STARD10: variants seen among roughly 807,000 people sequenced by gnomAD.
STARD10 encodes StAR related lipid transfer domain containing 10, also known as START domain-containing protein 10.
Under a neutral mutation model 36.0 loss-of-function variants are expected in STARD10, and 24 were observed. The observed-to-expected ratio is 0.67, with a 90% CI of 0.48 to 0.94. The LOEUF is 0.94. STARD10 is among the 40% of genes least tolerant of loss of function. The probability of loss-of-function intolerance (pLI) is 0.00; values close to 1 mark genes in which losing one functional copy is unlikely to be tolerated. For missense variants in STARD10, 335 were observed against 396.6 expected (o/e 0.84, Z 1.32); for synonymous variants, 156 against 161.9 (o/e 0.96, Z 0.28).
chr11:72,759,051 T>C, intron 3 of STARD10, 183 bp downstream of exon 3: 1 of 647,674 alleles, frequency 1.5e-6, no homozygotes, highest in Non-Finnish European at 2.7e-6. Context: ...TATTTGTAAG[T>C]GTATGGGTGT....
intron 1 of STARD10, among the ~76,000 whole-genome samples, chr11:72,789,765 C>A (rs1444098828): frequency 1.3e-5 from 2 of 152,198 alleles, no homozygotes; most frequent in African/African-American, 4.8e-5. Flanking sequence ...AAACCCACAC[C>A]TGGAACAGGC....
rs1195668966 is a variant in STARD10 at position 72,793,054 on chromosome 11, C to G, written c.-293G>C. On this transcript the variant is annotated 5_prime_UTR_variant, in exon 1 of 7. Transcript: ENST00000334805. ...GGGACTCCCCTAGGTTCTCAGGGTA[C>G]AGTCAGTCAATCTAAGCCTGTATCC... 1.3e-5 allele frequency: 2 copies of G among 152,390 alleles called. No homozygotes were observed. Among genetic ancestry groups the G allele is most frequent in the Non-Finnish European group, 2.9e-5 (2 of 68,178 alleles). The allele number at this position is 152,390 out of a possible 1,614,324, so 9.4% of individuals were successfully genotyped here.
intron 4 of STARD10, among the ~76,000 whole-genome samples, 198 bp downstream of exon 4, chr11:72,758,332 G>A (rs1858672919): frequency 6.6e-6 from 1 of 152,196 alleles, no homozygotes; most frequent in Admixed American, 6.5e-5. Context: ...CACAGAGGTG[G>A]CCACACTGCC....
intron 2 of STARD10, among the ~76,000 whole-genome samples, chr11:72,778,806 G>A (rs550421572): frequency 9.2e-5 from 14 of 152,340 alleles, no homozygotes; most frequent in African/African-American, 3.4e-4. Flanking sequence ...GTATGACATA[G>A]GGATTACCAA....
At chr11:72,792,041 A>ATTTT (rs869068929) in intron 1 of STARD10, among the ~76,000 whole-genome samples, 3 of 38,770 alleles carry the variant, frequency 7.7e-5, no homozygotes, top group African/African-American at 4.1e-4. Flanking sequence ...CACCTGGCTA[A>ATTTT]TTTTTTTTTT....
intron 1 of STARD10, among the ~76,000 whole-genome samples, chr11:72,784,943 G>A (rs116210520): frequency 0.019 from 2,921 of 152,336 alleles, 103 homozygotes; most frequent in African/African-American, 0.067. Context: ...TGAGGTTGTG[G>A]GGGGCACGGG....
chr11:72,766,352 G>A (rs544703497), intron 2 of STARD10, among the ~76,000 whole-genome samples: 4 of 152,250 alleles, frequency 2.6e-5, no homozygotes, highest in South Asian at 2.1e-4. Flanking sequence ...CCTGAGCCCT[G>A]CCCCAAAGAG....
At chr11:72,786,546 A>G (rs1244525818) in intron 1 of STARD10, among the ~76,000 whole-genome samples, 1 of 152,124 alleles carries the variant, frequency 6.6e-6, no homozygotes, top group African/African-American at 2.4e-5. Context: ...CAAACAGCTC[A>G]CACCTGCCCT....
intron 2 of STARD10, chr11:72,780,241 G>A (rs756103049): frequency 1.8e-4 from 73 of 404,648 alleles, no homozygotes; most frequent in Admixed American, 3.8e-4. Flanking sequence ...TGCCCTGCAC[G>A]GCAAAGAGAG....
chr11:72,759,674 C>A lies in STARD10; in HGVS notation c.208-293G>T, dbSNP rs533861263. Among the ~76,000 whole-genome samples, 216 of 152,174 alleles carry A rather than the reference C, an allele frequency of 1.4e-3. 1 individual carries two copies. The highest frequency in any genetic ancestry group is 4.8e-3 in the African/African-American group (200 of 41,540). On this transcript the variant is annotated intron_variant, in intron 2 of 6. Transcript: ENST00000334805. ...AGACCTTCTGGGCTCCCACACAATG[C>A]ATCTCTATGTCTGTGCCCTCCCAGA...
chr11:72,757,958 C>T (rs887068495), intron 4 of STARD10, 74 bp from the exon 5 acceptor site: 33 of 1,193,130 alleles, frequency 2.8e-5, no homozygotes, highest in South Asian at 7.3e-5. Context: ...TATACACAAA[C>T]GCGCACGCGC....
intron 5 of STARD10, chr11:72,755,985 G>A (rs754996827): frequency 2.3e-4 from 103 of 456,866 alleles, no homozygotes; most frequent in African/African-American, 1.6e-3. Context: ...CAAAGATTAC[G>A]TGGAAGAAAA....
Position 72,781,142 on chromosome 11 carries a change from G to A in STARD10, c.40C>T (p.Arg14Trp). The A allele has an allele frequency of 6.2e-7, 1 of 1,612,954 alleles. No homozygotes were observed. The highest frequency in any genetic ancestry group is 8.5e-7 in the Non-Finnish European group (1 of 1,180,010). Residue 14 changes from arginine (R) to tryptophan (W), a missense_variant, in exon 2 of 7, where the codon CGG becomes TGG. Coordinates refer to ENST00000334805, the MANE Select transcript of STARD10 (RefSeq NM_006645.3). This position sits in a 1 kb window ranked among gnomAD's most constrained non-coding sequence, Gnocchi z 4.7. Reference sequence around the variant, plus strand: ...ACACTCTCACGGCCCAGGACCGGCCGAGGCCCTTGGGGCTCTGTAGAGGCC... The same window carrying A: ...ACACTCTCACGGCCCAGGACCGGCCAAGGCCCTTGGGGCTCTGTAGAGGCC... ...LAASTEPQGP[R>W]PVLGRESVQV...
In STARD10 at chr11:72,758,600, A is replaced by G; in HGVS notation, c.389T>C (p.Val130Ala). ...GGGGAGCCAGGAGCGGAGGGTGATG[A>G]CATCACGGTTCTTCAGGGGCTTGGG... Reference protein sequence around the residue: ...RCPKPLKNRDVITLRSWLPMG... With the variant: ...RCPKPLKNRDAITLRSWLPMG... The change falls in exon 4 of 7, where the codon GTC (valine) becomes GCC (alanine). Residue 130 changes from valine (V) to alanine (A), a missense_variant. Physicochemically the swap from Val to Ala is moderately conservative, Grantham distance 64. Transcript: ENST00000334805. 1 of 1,614,050 alleles carries G rather than the reference A, an allele frequency of 6.2e-7. No homozygotes were observed. Among genetic ancestry groups the G allele is most frequent in the Non-Finnish European group, 8.5e-7 (1 of 1,179,986 alleles).
At chr11:72,766,952 G>T (rs1039212215) in intron 2 of STARD10, among the ~76,000 whole-genome samples, 7 of 152,222 alleles carry the variant, frequency 4.6e-5, no homozygotes, top group African/African-American at 1.7e-4. Flanking sequence ...CCCAGGAAAT[G>T]ATCTCTTCAC....
Position 72,781,258 on chromosome 11 carries a change from G to A in STARD10, c.-77C>T. On this transcript the variant is annotated 5_prime_UTR_variant, in exon 2 of 7. Coordinates refer to ENST00000334805, the MANE Select transcript of STARD10 (RefSeq NM_006645.3). The surrounding 1 kb of genome is among the most constrained non-coding windows in gnomAD (Gnocchi z 4.7). ...CCTCCGCGGAGGCTCCGACAACGTC[G>A]ACGCGGCTGCAGATGCTGACGCCAC... The A allele has an allele frequency of 7.5e-7, 1 of 1,332,164 alleles. No individual in the cohort carries two copies. The highest frequency in any genetic ancestry group is 1.9e-5 in the Admixed American group (1 of 51,882). The allele number at this position is 1,332,164 out of a possible 1,614,324, so 82.5% of individuals were successfully genotyped here.
In STARD10 at chr11:72,793,727, A is replaced by C. The variant is rs933176109; in HGVS notation, c.-966T>G. 9 of 152,058 alleles carry C rather than the reference A, an allele frequency of 5.9e-5. No homozygotes were observed. The highest frequency in any genetic ancestry group is 2.6e-4 in the Admixed American group (4 of 15,276). 9.4% of individuals were successfully genotyped at this position (152,058 alleles called of 1,614,324 possible). ...CTTGCGCAGGCGCTCTTTGGTGTTTACAGCGGCCGCGAAGCCCCGCGTTTG... is the reference window on the plus strand; with the variant it reads ...CTTGCGCAGGCGCTCTTTGGTGTTTCCAGCGGCCGCGAAGCCCCGCGTTTG... On this transcript the variant is annotated 5_prime_UTR_variant, in exon 1 of 7. Transcript: ENST00000334805.
At chr11:72,758,392 C>T (rs1858673888) in intron 4 of STARD10, 138 bp downstream of exon 4, 4 of 701,828 alleles carry the variant, frequency 5.7e-6, no homozygotes, top group Admixed American at 4.3e-5. Flanking sequence ...AGCCATTATC[C>T]TCACTGTACA....
chr11:72,760,585 G>A (rs1395194175), intron 2 of STARD10, among the ~76,000 whole-genome samples: 9 of 152,140 alleles, frequency 5.9e-5, no homozygotes, highest in African/African-American at 1.9e-4. Context: ...GGTAGAAGAC[G>A]GCCAAGGACA....
Sources: gnomAD v4.1 joint callset for allele counts (sites outside exome capture counted in the v4.1 genomes callset) on GRCh38, gnomAD v4.1.1 for gene constraint, Gnocchi (gnomAD v3.1) non-coding constraint, MANE v1.5 for transcripts, NCBI Gene and HGNC (gene_info 2026-07-23, HGNC 2026-07-21) for gene names.